CCDC7: variants seen among roughly 807,000 people sequenced by gnomAD.
CCDC7 encodes coiled-coil domain-containing protein 7.
A neutral mutation model predicts 196.9 loss-of-function variants in CCDC7; 183 were observed. The ratio of observed to expected loss-of-function variants is 0.93; its 90% confidence interval spans 0.82 to 1.05. The LOEUF (loss-of-function observed/expected upper bound fraction) is 1.05. Ranked by LOEUF, CCDC7 falls within the 50% of genes least tolerant of loss-of-function variation. The probability of loss-of-function intolerance (pLI) is 0.00; values close to 1 mark genes in which losing one functional copy is unlikely to be tolerated. For synonymous variants in CCDC7, 525 were observed against 484.6 expected (o/e 1.08, Z -1.10); for missense variants, 1,540 against 1,482.2 (o/e 1.04, Z -0.64).
intron 11 of CCDC7, among the ~76,000 whole-genome samples, chr10:32,533,405 A>G (rs920857986): frequency 2.0e-5 from 3 of 152,126 alleles, no homozygotes; most frequent in Non-Finnish European, 4.4e-5. Flanking sequence ...TTTGGACTTC[A>G]TAATAGATTT....
chr10:32,604,949 G>A (rs1292833123), intron 18 of CCDC7, among the ~76,000 whole-genome samples: 2 of 151,960 alleles, frequency 1.3e-5, no homozygotes, highest in Non-Finnish European at 2.9e-5. Flanking sequence ...ATGTGATATG[G>A]TTTAGATATT....
intron 18 of CCDC7, among the ~76,000 whole-genome samples, chr10:32,633,732 A>G (rs200656789): frequency 0.083 from 10,855 of 131,402 alleles, 618 homozygotes; most frequent in South Asian, 0.24. Context: ...GTGTGTGTGT[A>G]TATATATGTG....
At chr10:32,605,915 T>C (rs1312943653) in intron 18 of CCDC7, among the ~76,000 whole-genome samples, 1 of 152,166 alleles carries the variant, frequency 6.6e-6, no homozygotes, top group African/African-American at 2.4e-5. Flanking sequence ...GAGATTTGCA[T>C]AGCAAAAAGG....
chr10:32,548,839 A>G (rs1419496079), intron 13 of CCDC7, among the ~76,000 whole-genome samples: 1 of 152,106 alleles, frequency 6.6e-6, no homozygotes, highest in East Asian at 1.9e-4. Context: ...TGGTTCCATG[A>G]TTTTGCAGTT....
At chr10:32,869,101 G>A (rs1371153408) in intron 41 of CCDC7, among the ~76,000 whole-genome samples, 1 of 152,116 alleles carries the variant, frequency 6.6e-6, no homozygotes, top group South Asian at 2.1e-4. Flanking sequence ...GGATTGCTGG[G>A]TCAAATGGTA....
chr10:32,670,072 C>G (rs1368135905), intron 21 of CCDC7, among the ~76,000 whole-genome samples: 1 of 152,022 alleles, frequency 6.6e-6, no homozygotes, highest in African/African-American at 2.4e-5. Flanking sequence ...TTTCTGGGGT[C>G]GGGACATGTC....
At chr10:32,736,767 A>G (rs1330679414) in intron 28 of CCDC7, among the ~76,000 whole-genome samples, 2 of 152,174 alleles carry the variant, frequency 1.3e-5, no homozygotes, top group African/African-American at 4.8e-5. Context: ...TTAACCTTGT[A>G]TCTAGCAACC....
intron 18 of CCDC7, among the ~76,000 whole-genome samples, chr10:32,608,915 T>C (rs1206690082): frequency 6.6e-6 from 1 of 152,214 alleles, no homozygotes. Context: ...TTCTATGTAT[T>C]TGTAGTTTCC....
chr10:32,663,957 A>G (rs2072081797), intron 20 of CCDC7, 97 bp from the exon 22 acceptor site: 2 of 367,108 alleles, frequency 5.4e-6, no homozygotes, highest in East Asian at 7.8e-5. Context: ...ATGTATAAAA[A>G]TGAGACAGAA....
intron 29 of CCDC7, among the ~76,000 whole-genome samples, chr10:32,802,055 C>A (rs1404226389): frequency 6.6e-6 from 1 of 152,146 alleles, no homozygotes; most frequent in African/African-American, 2.4e-5. Context: ...CAGCCACTCA[C>A]AGGATAAGAG....
intron 11 of CCDC7, among the ~76,000 whole-genome samples, chr10:32,522,654 A>G (rs980963374): frequency 1.3e-5 from 2 of 152,044 alleles, no homozygotes; most frequent in Non-Finnish European, 2.9e-5. Context: ...TTTCTTCATC[A>G]GAAATTCATT....
At chr10:32,639,703 C>T (rs964058527) in intron 20 of CCDC7, among the ~76,000 whole-genome samples, 5 of 151,254 alleles carry the variant, frequency 3.3e-5, no homozygotes, top group Admixed American at 3.3e-4. Flanking sequence ...TCTCGGCTCA[C>T]TTCAAGTTCT....
intron 12 of CCDC7, 77 bp downstream of exon 13, chr10:32,543,462 C>A: frequency 8.8e-7 from 1 of 1,142,496 alleles, no homozygotes; most frequent in Non-Finnish European, 1.1e-6. Flanking sequence ...AATTTAAAGT[C>A]AAATAAACAT....
At chr10:32,737,704 T>A (rs1391873221) in intron 28 of CCDC7, among the ~76,000 whole-genome samples, 1 of 152,202 alleles carries the variant, frequency 6.6e-6, no homozygotes, top group Non-Finnish European at 1.5e-5. Context: ...ATTGCTCTGT[T>A]GTTAGGTGCA....
intron 18 of CCDC7, among the ~76,000 whole-genome samples, chr10:32,622,564 T>G (rs2063530140): frequency 6.6e-6 from 1 of 152,068 alleles, no homozygotes; most frequent in African/African-American, 2.4e-5. Flanking sequence ...TTGGTTAAAC[T>G]GATCTGTTTA....
chr10:32,461,572 C>T (rs150021807), intron 3 of CCDC7, among the ~76,000 whole-genome samples: 2 of 151,028 alleles, frequency 1.3e-5, no homozygotes, highest in East Asian at 3.9e-4. Flanking sequence ...TTAGCAGGAA[C>T]AGAGTTGTAT....
At chr10:32,521,079 G>A (rs778237028) in intron 11 of CCDC7, among the ~76,000 whole-genome samples, 20 of 152,028 alleles carry the variant, frequency 1.3e-4, no homozygotes, top group Non-Finnish European at 2.5e-4. Context: ...TGGTCTATGT[G>A]TCGGCTTTTT....
At chr10:32,543,025 G>A (rs1002451086) in intron 11 of CCDC7, among the ~76,000 whole-genome samples, 10 of 152,062 alleles carry the variant, frequency 6.6e-5, no homozygotes, top group African/African-American at 2.4e-4. Flanking sequence ...TTTCAGGAAG[G>A]CATATACCAC....
exon 2 of CCDC7, chr10:32,453,362 G>A: frequency 6.7e-7 from 1 of 1,502,306 alleles, no homozygotes; most frequent in Non-Finnish European, 8.9e-7. Flanking sequence ...CACTTTGGAA[G>A]AAACCTATGG....
Sources: allele counts gnomAD v4.1 joint callset (sites outside exome capture counted in the v4.1 genomes callset), GRCh38; gene constraint gnomAD v4.1.1; transcripts MANE v1.5; gene names NCBI Gene and HGNC (gene_info 2026-07-23, HGNC 2026-07-21).